The following EXOC6B variants were observed in gnomAD, a reference collection of about 807,000 sequenced individuals.
The protein encoded by EXOC6B is SEC15 homolog B.
EXOC6B carries 54 observed loss-of-function variants against 113.5 expected under a neutral mutation model. The observed-to-expected ratio is 0.48, with a 90% CI of 0.38 to 0.60. EXOC6B has a LOEUF of 0.60. Among genes scored for constraint, EXOC6B ranks in the 20% least tolerant of loss-of-function variants. EXOC6B has a pLI of 0.00. For missense variants in EXOC6B, 797 were observed against 977.5 expected, an observed-to-expected ratio of 0.82 and a Z score of 2.46; for synonymous variants, 357 against 339.0, an observed-to-expected ratio of 1.05 and a Z score of -0.58.
At chr2:72,567,075 T>C (rs1346178650) in intron 7 of EXOC6B, among the ~76,000 whole-genome samples, 1 of 152,012 alleles carries the variant, frequency 6.6e-6, no homozygotes, top group Non-Finnish European at 1.5e-5. Context: ...TATATCTTCT[T>C]ATATAGTTTT....
intron 6 of EXOC6B, among the ~76,000 whole-genome samples, chr2:72,623,941 T>C (rs994700655): frequency 1.3e-5 from 2 of 152,238 alleles, no homozygotes; most frequent in African/African-American, 4.8e-5. Flanking sequence ...TTTGATACTG[T>C]ACCTGCAGTT....
intron 6 of EXOC6B, among the ~76,000 whole-genome samples, chr2:72,594,903 C>T (rs1272450591): frequency 6.6e-6 from 1 of 152,112 alleles, no homozygotes; most frequent in Non-Finnish European, 1.5e-5. Flanking sequence ...AAAATCTATG[C>T]ACAATATAGT....
intron 8 of EXOC6B, among the ~76,000 whole-genome samples, chr2:72,559,134 A>C (rs1197752292): frequency 9.2e-5 from 14 of 152,330 alleles, no homozygotes; most frequent in Non-Finnish European, 1.0e-4. Context: ...CATTTTCACA[A>C]ATACTATTTT....
chr2:72,796,521 G>A (rs1215284156), intron 1 of EXOC6B, among the ~76,000 whole-genome samples: 2 of 148,840 alleles, frequency 1.3e-5, no homozygotes, highest in Non-Finnish European at 3.0e-5. Flanking sequence ...TCCCCCACTA[G>A]ACAATGTGCT....
At chr2:72,363,134 A>G (rs1690420733) in intron 19 of EXOC6B, among the ~76,000 whole-genome samples, 2 of 152,140 alleles carry the variant, frequency 1.3e-5, no homozygotes, top group African/African-American at 4.8e-5. Context: ...ATATAAACAT[A>G]CTGAGATCTA....
chr2:72,291,545 C>T (rs1685792722), intron 20 of EXOC6B, among the ~76,000 whole-genome samples: 2 of 152,148 alleles, frequency 1.3e-5, no homozygotes, highest in South Asian at 4.1e-4. Flanking sequence ...TCAGTGACAG[C>T]CTCTTTTAGG....
chr2:72,799,645 T>C (rs563411139), intron 1 of EXOC6B, among the ~76,000 whole-genome samples: 61 of 152,334 alleles, frequency 4.0e-4, no homozygotes, highest in Admixed American at 2.6e-3. Flanking sequence ...AGAAACTGTA[T>C]GTTTTTAAAT....
At chr2:72,824,162 G>A (rs945494531) in intron 1 of EXOC6B, among the ~76,000 whole-genome samples, 4 of 152,090 alleles carry the variant, frequency 2.6e-5, no homozygotes, top group Admixed American at 1.3e-4. Flanking sequence ...GGGGTGGGAG[G>A]ATCATTTGAC....
intron 7 of EXOC6B, among the ~76,000 whole-genome samples, chr2:72,563,714 T>G (rs1334560636): frequency 6.6e-6 from 1 of 152,072 alleles, no homozygotes; most frequent in Non-Finnish European, 1.5e-5. Flanking sequence ...TTACAAAAAT[T>G]TTTACAAAAC....
chr2:72,444,875 A>G (rs1268412701), intron 18 of EXOC6B, among the ~76,000 whole-genome samples: 7 of 152,212 alleles, frequency 4.6e-5, no homozygotes. Flanking sequence ...AACCTCTGAC[A>G]TACCCTGGAG....
chr2:72,221,349 C>T (rs1007132841), intron 20 of EXOC6B, among the ~76,000 whole-genome samples: 1 of 152,122 alleles, frequency 6.6e-6, no homozygotes, highest in African/African-American at 2.4e-5. Context: ...AAATGATAAA[C>T]CATGGCTCTC....
intron 19 of EXOC6B, among the ~76,000 whole-genome samples, chr2:72,343,359 G>A (rs1689145094): frequency 6.6e-6 from 1 of 152,170 alleles, no homozygotes; most frequent in Admixed American, 6.5e-5. Context: ...CCCAGAAGGT[G>A]GAGGCTGCAG....
chr2:72,264,557 G>A (rs951825507), intron 20 of EXOC6B, among the ~76,000 whole-genome samples: 44 of 152,108 alleles, frequency 2.9e-4, no homozygotes, highest in African/African-American at 9.2e-4. Flanking sequence ...GGTGACGAGC[G>A]AAATTCTGCC....
intron 6 of EXOC6B, among the ~76,000 whole-genome samples, chr2:72,696,002 G>A (rs145972479): frequency 7.9e-5 from 12 of 151,794 alleles, no homozygotes; most frequent in African/African-American, 2.9e-4. Flanking sequence ...CAATCTACTG[G>A]TGTATATATA....
At chr2:72,535,773 G>A (rs1702255702) in intron 8 of EXOC6B, among the ~76,000 whole-genome samples, 5 of 151,814 alleles carry the variant, frequency 3.3e-5, no homozygotes. Flanking sequence ...GGGAGGCTGA[G>A]GCAGGACAAT....
At chr2:72,644,959 G>T (rs145411262) in intron 6 of EXOC6B, among the ~76,000 whole-genome samples, 1 of 152,100 alleles carries the variant, frequency 6.6e-6, no homozygotes, top group East Asian at 1.9e-4. Flanking sequence ...AAATGTAAAT[G>T]GGCTAAATGC....
intron 6 of EXOC6B, among the ~76,000 whole-genome samples, chr2:72,666,987 C>T (rs977489398): frequency 3.9e-5 from 6 of 152,120 alleles, no homozygotes; most frequent in African/African-American, 7.2e-5. Context: ...CTCAGCCTCC[C>T]GAGTAGCTGG....
intron 6 of EXOC6B, among the ~76,000 whole-genome samples, chr2:72,712,887 C>T (rs1679361680): frequency 6.6e-6 from 1 of 151,934 alleles, no homozygotes; most frequent in South Asian, 2.1e-4. Flanking sequence ...GATTTTAAAC[C>T]ACATGCAATT....
At chr2:72,259,421 T>A (rs1003217762) in intron 20 of EXOC6B, among the ~76,000 whole-genome samples, 1 of 152,228 alleles carries the variant, frequency 6.6e-6, no homozygotes, top group African/African-American at 2.4e-5. Context: ...AATTTGTTTA[T>A]CCATTCTCAT....
Sources: allele counts gnomAD v4.1 joint callset (sites outside exome capture counted in the v4.1 genomes callset), GRCh38; gene constraint gnomAD v4.1.1; transcripts MANE v1.5; gene names NCBI Gene and HGNC (gene_info 2026-07-23, HGNC 2026-07-21).